The following ING5 variants were observed in gnomAD, a reference collection of about 807,000 sequenced individuals.
ING5 encodes inhibitor of growth protein 5.
Under a neutral mutation model 37.4 loss-of-function variants are expected in ING5, and 17 were observed. The ratio of observed to expected loss-of-function variants is 0.45; its 90% CI spans 0.31 to 0.68. The LOEUF (loss-of-function observed/expected upper bound fraction) is 0.68. Among genes scored for constraint, ING5 ranks in the 30% least tolerant of loss-of-function variants. The pLI, the probability that ING5 is intolerant of heterozygous loss-of-function variation, is 0.05. For missense variants in ING5, 233 were observed against 311.9 expected (o/e 0.75, Z 1.91); for synonymous variants, 123 against 116.6 (o/e 1.06, Z -0.36).
intron 2 of ING5, among the ~76,000 whole-genome samples, chr2:241,693,141 C>G (rs1194245179): frequency 6.6e-6 from 1 of 151,670 alleles, no homozygotes; most frequent in African/African-American, 2.4e-5. Flanking sequence ...CGCCTGTAAT[C>G]CCAGCTACTC....
chr2:241,690,696 T>A, intron 2 of ING5: 1 of 398,648 alleles, frequency 2.5e-6, no homozygotes, highest in Non-Finnish European at 4.4e-6. Flanking sequence ...GGATGCTGGG[T>A]CTGTGTGGTC....
rs2070126810 is a variant in ING5 at position 241,712,043 on chromosome 2, A to G, written c.454A>G (p.Thr152Ala). The part of the protein sequence containing the change: ...GRGRRTSEED[T>A]PKKKKHKGGS... ...AGGCAGGAGGACATCAGAGGAAGAC[A>G]CACCAAAGAAAAAGAAGCACAAAGG... Residue 152 changes from threonine (T) to alanine (A), a missense_variant, in exon 5 of 8, where the codon ACA becomes GCA. Thr to Ala is a moderately conservative substitution (Grantham distance 58). Around this residue, in one of 4 missense-constraint regions of ING5, gnomAD observed 76 missense variants for 68.2 expected, o/e 1.11. Transcript: ENST00000313552. 6.2e-7 allele frequency: 1 copy of G among 1,612,268 alleles called. No individual in the cohort carries two copies. The highest frequency in any genetic ancestry group is 1.1e-5 in the South Asian group (1 of 90,710).
chr2:241,687,543 T>A (rs1288663899), exon 1 of ING5: 3 of 365,160 alleles, frequency 8.2e-6, no homozygotes, highest in African/African-American at 7.1e-5. Context: ...TTTTTGTTTG[T>A]TTGAGACAGA....
chr2:241,701,644 T>G (rs2069728454), upstream of ING5, among the ~76,000 whole-genome samples: 1 of 152,072 alleles, frequency 6.6e-6, no homozygotes, highest in African/African-American at 2.4e-5. Context: ...CGTGGCGGCC[T>G]GTCCGGGACC....
At position 241,725,082 on chromosome 2, in the gene ING5, C is replaced by T. The variant is rs757677235; in HGVS notation, c.*51C>T. ...GAGCAAGTTAATCTGTCCCTTCATT[C>T]GTGTCGCAATATTTCCCTTCCTTTT... On this transcript the variant is annotated 3_prime_UTR_variant, in exon 8 of 8. Coordinates refer to ENST00000313552, the MANE Select transcript of ING5 (RefSeq NM_032329.6). 6.3e-7 allele frequency: 1 copy of T among 1,579,164 alleles called. No homozygotes were observed. The highest frequency in any genetic ancestry group is 1.1e-5 in the South Asian group (1 of 90,312).
chr2:241,713,163 T>A (rs1411078362), intron 5 of ING5, among the ~76,000 whole-genome samples: 1 of 151,202 alleles, frequency 6.6e-6, no homozygotes, highest in African/African-American at 2.4e-5. Context: ...TTCAAGCGAT[T>A]CTCCTGCCTC....
intron 5 of ING5, among the ~76,000 whole-genome samples, chr2:241,718,970 G>C (rs966235111): frequency 6.6e-6 from 1 of 152,238 alleles, no homozygotes; most frequent in Admixed American, 6.5e-5. Flanking sequence ...TAAAGGAAGC[G>C]TGGAGAGGGA....
At chr2:241,698,304 G>A (rs1432051547), upstream of ING5, among the ~76,000 whole-genome samples, 1 of 151,980 alleles carries the variant, frequency 6.6e-6, no homozygotes, top group Non-Finnish European at 1.5e-5. Flanking sequence ...AATTAGCCGG[G>A]CATGGTGGCG....
chr2:241,696,051 C>T (rs993151232), intron 2 of ING5, among the ~76,000 whole-genome samples: 1 of 152,024 alleles, frequency 6.6e-6, no homozygotes, highest in African/African-American at 2.4e-5. Context: ...GAACTGTGAT[C>T]ACACCACTGT....
At position 241,702,118 on chromosome 2, in the gene ING5, G is replaced by A; in HGVS notation, c.37+16G>A. On this transcript the variant is annotated intron_variant, in intron 1 of 7. Coordinates refer to ENST00000313552, the MANE Select transcript of ING5 (RefSeq NM_032329.6). The stretch of plus-strand genomic sequence containing the variant: ...TATCTGGACAGTAAGCGCGCCCCAC[G>A]GGCCCCGCGCCCGCCGCCCACGCGG... The A allele has an allele frequency of 7.6e-7, 1 of 1,308,448 alleles. No individual in the cohort carries two copies. Among genetic ancestry groups the A allele is most frequent in the South Asian group, 1.9e-5 (1 of 51,718 alleles). The allele number at this position is 1,308,448 out of a possible 1,614,324, so 81.1% of individuals were successfully genotyped here. A position where few individuals can be genotyped will look rare whatever the true frequency, so the allele number is the denominator to read the frequency against.
chr2:241,711,192 T>C (rs993381135), intron 3 of ING5, among the ~76,000 whole-genome samples, 185 bp from the exon 4 acceptor site: 1 of 152,238 alleles, frequency 6.6e-6, no homozygotes, highest in African/African-American at 2.4e-5. Flanking sequence ...TGTCAAAATA[T>C]GCAGAAAAAG....
chr2:241,704,650 C>G lies in ING5; in HGVS notation c.38-3C>G. The G allele has an allele frequency of 6.2e-7, 1 of 1,613,596 alleles. No homozygotes were observed. On this transcript the variant is annotated splice_polypyrimidine_tract_variant and splice_region_variant and intron_variant, in intron 1 of 7. Coordinates refer to ENST00000313552, the MANE Select transcript of ING5 (RefSeq NM_032329.6). ...ACATGGCTTCTGTGTTTTTGCGTTT[C>G]AGGTATCGAGAACCTTCCCTGCGAA...
At chr2:241,698,370 G>A (rs149371861), upstream of ING5, among the ~76,000 whole-genome samples, 4,598 of 151,992 alleles carry the variant, frequency 0.03, 115 homozygotes, top group Middle Eastern at 0.065. Flanking sequence ...GCGTGGATCC[G>A]GGAGGTGGAG....
At chr2:241,708,364 C>T (rs1162108483) in intron 2 of ING5, among the ~76,000 whole-genome samples, 1 of 151,702 alleles carries the variant, frequency 6.6e-6, no homozygotes, top group East Asian at 1.9e-4. Flanking sequence ...CCCGCCACCA[C>T]GCCCGGCTAA....
intron 5 of ING5, chr2:241,719,360 C>G: frequency 1.5e-6 from 1 of 655,902 alleles, no homozygotes; most frequent in Non-Finnish European, 2.7e-6. Flanking sequence ...GGACGCCGCC[C>G]CCAACCCCCC....
chr2:241,718,697 G>A (rs1194585367), intron 5 of ING5, among the ~76,000 whole-genome samples: 2 of 152,110 alleles, frequency 1.3e-5, no homozygotes, highest in African/African-American at 4.8e-5. Flanking sequence ...GATTACAGGC[G>A]TGAGCTGCTG....
At chr2:241,703,071 G>C (rs554230510) in intron 1 of ING5, among the ~76,000 whole-genome samples, 9 of 152,314 alleles carry the variant, frequency 5.9e-5, no homozygotes, top group African/African-American at 2.2e-4. Flanking sequence ...CTGTCTCTTG[G>C]GGGTCTGAGT....
exon 2 of ING5, chr2:241,690,270 C>G (rs1276430257): frequency 4.4e-6 from 1 of 227,418 alleles, no homozygotes; most frequent in East Asian, 8.3e-5. Flanking sequence ...CCTATTCCAG[C>G]ATGGTGTACC....
chr2:241,724,339 G>A (rs1213501393), intron 7 of ING5, among the ~76,000 whole-genome samples: 5 of 152,224 alleles, frequency 3.3e-5, no homozygotes, highest in Non-Finnish European at 1.5e-5. Flanking sequence ...GGGGGATGGT[G>A]CACCGAGGGT....
Sources: gnomAD v4.1 joint callset for allele counts (sites outside exome capture counted in the v4.1 genomes callset) on GRCh38, gnomAD v4.1.1 for gene constraint, gnomAD v4.1.1 regional missense constraint, MANE v1.5 for transcripts, NCBI Gene and HGNC (gene_info 2026-07-23, HGNC 2026-07-21) for gene names.